FRMPD4: variants seen among roughly 807,000 people sequenced by gnomAD.
FRMPD4 encodes the protein FERM and PDZ domain containing 4.
FRMPD4 carries 22 observed loss-of-function variants against 94.1 expected under a neutral mutation model. The ratio of observed to expected loss-of-function variants is 0.23; its 90% CI spans 0.17 to 0.33. The LOEUF (loss-of-function observed/expected upper bound fraction) is 0.33. Among genes scored for constraint, FRMPD4 ranks in the 10% least tolerant of loss-of-function variants. The pLI, the probability that FRMPD4 is intolerant of heterozygous loss-of-function variation, is 1.00. For synonymous variants in FRMPD4, 631 were observed against 548.6 expected (o/e 1.15, Z -2.10); for missense variants, 1,111 against 1,339.9 (o/e 0.83, Z 2.67).
intron 3 of FRMPD4, among the ~76,000 whole-genome samples, chrX:11,920,109 A>C (rs1435318852): frequency 9.0e-6 from 1 of 111,102 alleles, no homozygotes; most frequent in Non-Finnish European, 1.9e-5. Context: ...TCCCCCCACC[A>C]TTGTGTTTCT....
At chrX:12,475,633 T>C (rs144219277) in intron 1 of FRMPD4, among the ~76,000 whole-genome samples, 5,915 of 111,697 alleles carry the variant, frequency 0.053, 401 homozygotes, top group African/African-American at 0.18. Flanking sequence ...TACAAAATCA[T>C]TGTGCAAAAA....
chrX:12,100,551 T>A lies in FRMPD4; in HGVS notation c.95+222533T>A, dbSNP rs935433514. Among the ~76,000 whole-genome samples, 4 of 111,504 alleles carry A rather than the reference T, an allele frequency of 3.6e-5. No individual in the cohort carries two copies. In the Admixed American group the frequency reaches 3.8e-4, roughly 11 times the overall value. On this transcript the variant is annotated intron_variant, in intron 3 of 18. Coordinates refer to the FRMPD4 transcript ENST00000640291. ...CATCTAAATAAAAAAAAAAAGTAGC[T>A]GACTGTTGAAACAGGTGAATAAACC... is the stretch of plus-strand genomic sequence containing the variant.
intron 1 of FRMPD4, among the ~76,000 whole-genome samples, chrX:12,259,216 G>C (rs1054505362): frequency 1.8e-5 from 2 of 111,586 alleles, no homozygotes; most frequent in Non-Finnish European, 3.8e-5. Flanking sequence ...GCTCCCAAGC[G>C]GGGGGTGCGT....
At chrX:12,501,513 G>A (rs1443323940) in intron 2 of FRMPD4, among the ~76,000 whole-genome samples, 1 of 107,670 alleles carries the variant, frequency 9.3e-6, no homozygotes, top group African/African-American at 3.4e-5. Context: ...GTTCTCGGGA[G>A]CCCAGGTTTG....
intron 1 of FRMPD4, among the ~76,000 whole-genome samples, chrX:12,469,862 G>A (rs963526518): frequency 6.2e-5 from 7 of 112,606 alleles, no homozygotes; most frequent in Non-Finnish European, 1.1e-4. Flanking sequence ...ATCCAAAGGT[G>A]TCTCACCTGT....
At chrX:12,114,616 G>A (rs957823422) in intron 3 of FRMPD4, among the ~76,000 whole-genome samples, 2 of 111,733 alleles carry the variant, frequency 1.8e-5, no homozygotes, top group African/African-American at 6.5e-5. Flanking sequence ...AGAATATATG[G>A]CATAAGCCCC....
intron 2 of FRMPD4, among the ~76,000 whole-genome samples, chrX:12,577,431 A>AT (rs767083833): frequency 9.0e-6 from 1 of 110,847 alleles, no homozygotes; most frequent in East Asian, 2.8e-4. Context: ...GGTCTGTAGG[A>AT]TTTTTTGAGA....
At chrX:12,447,990 CG>C (rs2057220558) in intron 1 of FRMPD4, among the ~76,000 whole-genome samples, 1 of 111,768 alleles carries the variant, frequency 8.9e-6, no homozygotes, top group Non-Finnish European at 1.9e-5. Flanking sequence ...TTAGGTGTCA[CG>C]GGTGGTGACT....
At chrX:12,685,273 C>G (rs968192085) in intron 6 of FRMPD4, among the ~76,000 whole-genome samples, 1 of 111,992 alleles carries the variant, frequency 8.9e-6, no homozygotes, top group Non-Finnish European at 1.9e-5. Flanking sequence ...TCCTCAACTC[C>G]TAGGACTTTA....
chrX:12,224,070 C>T (rs1351830694), intron 1 of FRMPD4, among the ~76,000 whole-genome samples: 1 of 109,057 alleles, frequency 9.2e-6, no homozygotes, highest in African/African-American at 3.3e-5. Flanking sequence ...TAGCACAGCT[C>T]CTGTCGTGAC....
chrX:11,914,711 A>T (rs764303079), intron 3 of FRMPD4, among the ~76,000 whole-genome samples: 6 of 112,676 alleles, frequency 5.3e-5, no homozygotes, highest in Admixed American at 4.7e-4. Flanking sequence ...AACTTGAAGC[A>T]AACAAACAAC....
chrX:11,966,592 A>T (rs767162141), intron 3 of FRMPD4, among the ~76,000 whole-genome samples: 1 of 111,869 alleles, frequency 8.9e-6, no homozygotes, highest in Non-Finnish European at 1.9e-5. Flanking sequence ...GGTTGAAAAG[A>T]TAACATGGTT....
chrX:12,500,263 A>G (rs1183533214), intron 2 of FRMPD4, among the ~76,000 whole-genome samples: 1 of 111,859 alleles, frequency 8.9e-6, no homozygotes, highest in Non-Finnish European at 1.9e-5. Flanking sequence ...CAAGTTGATT[A>G]TGGACTGATT....
chrX:11,981,103 T>C (rs1279404281), intron 3 of FRMPD4, among the ~76,000 whole-genome samples: 1 of 111,952 alleles, frequency 8.9e-6, no homozygotes, highest in Non-Finnish European at 1.9e-5. Context: ...ATCTGGCCTT[T>C]TATAGAAAAA....
At chrX:12,568,921 G>T (rs1569341905) in intron 2 of FRMPD4, among the ~76,000 whole-genome samples, 1 of 111,871 alleles carries the variant, frequency 8.9e-6, no homozygotes, top group Non-Finnish European at 1.9e-5. Flanking sequence ...AAATTTAACT[G>T]CCATTGTGAT....
chrX:11,962,009 A>G (rs1344576018), intron 3 of FRMPD4, among the ~76,000 whole-genome samples: 1 of 112,834 alleles, frequency 8.9e-6, no homozygotes, highest in Non-Finnish European at 1.9e-5. Context: ...GCCATTGCTA[A>G]AAGCTACTAC....
chrX:12,457,444 T>A (rs1361690044), intron 1 of FRMPD4, among the ~76,000 whole-genome samples: 1 of 111,819 alleles, frequency 8.9e-6, no homozygotes, highest in African/African-American at 3.2e-5. Flanking sequence ...TTGCATTTAT[T>A]ATCTGCCAGG....
At chrX:12,196,503 T>A (rs759769296) in intron 1 of FRMPD4, among the ~76,000 whole-genome samples, 1 of 110,851 alleles carries the variant, frequency 9.0e-6, no homozygotes, top group Non-Finnish European at 1.9e-5. Context: ...GGAGCCTGAA[T>A]GAGGTTTAAT....
chrX:12,684,065 C>T (rs1416914797), intron 6 of FRMPD4, among the ~76,000 whole-genome samples: 2 of 111,978 alleles, frequency 1.8e-5, no homozygotes, highest in African/African-American at 3.2e-5. Context: ...GAACTTAAAA[C>T]GATGGAAAAA....
Sources: allele counts gnomAD v4.1 joint callset (sites outside exome capture counted in the v4.1 genomes callset), GRCh38; gene constraint gnomAD v4.1.1; transcripts MANE v1.5; gene names NCBI Gene and HGNC (gene_info 2026-07-23, HGNC 2026-07-21).